Variants in PNOC observed in about 807,000 individuals in gnomAD.
PNOC encodes the protein nociceptin.
Under a neutral mutation model 15.6 loss-of-function variants are expected in PNOC, and 10 were observed. The ratio of observed to expected loss-of-function variants is 0.64; its 90% CI spans 0.40 to 1.09. The LOEUF is 1.09. Among genes scored for constraint, PNOC ranks in the 50% least tolerant of loss-of-function variants. PNOC has a pLI of 0.01. For missense variants in PNOC, 220 were observed against 223.9 expected, an observed-to-expected ratio of 0.98 and a Z score of 0.11; for synonymous variants, 98 against 88.5, an observed-to-expected ratio of 1.11 and a Z score of -0.60.
rs139026172 is a variant in PNOC at position 28,332,843 on chromosome 8, C to T, written c.126+3560C>T. Among the ~76,000 whole-genome samples the T allele has an allele frequency of 1.2e-3, 176 of 152,308 alleles. 2 individuals are homozygous for T. The East Asian group carries it at 0.029, about 25-fold the overall frequency. Reference sequence around the variant, plus strand: ...ATGCATGCCTGTAATCCCAGCTACTCAGGAGGCTGAGGCAGAAGAATCACT... The same window carrying T: ...ATGCATGCCTGTAATCCCAGCTACTTAGGAGGCTGAGGCAGAAGAATCACT... On this transcript the variant is annotated intron_variant, in intron 2 of 3. Transcript: ENST00000301908.
At chr8:28,317,891 C>G (rs147202409) in intron 1 of PNOC, among the ~76,000 whole-genome samples, 1,792 of 152,260 alleles carry the variant, frequency 0.012, 37 homozygotes, top group African/African-American at 0.041. Flanking sequence ...AATGGGGAAG[C>G]GCCAGATCTG....
intron 3 of PNOC, among the ~76,000 whole-genome samples, chr8:28,342,224 G>A (rs962426394): frequency 6.6e-6 from 1 of 151,930 alleles, no homozygotes; most frequent in Non-Finnish European, 1.5e-5. Flanking sequence ...GTTGTGGTGG[G>A]TGCCTGTAGT....
chr8:28,322,081 A>G (rs1801159772), intron 1 of PNOC, among the ~76,000 whole-genome samples: 1 of 152,136 alleles, frequency 6.6e-6, no homozygotes, highest in Non-Finnish European at 1.5e-5. Context: ...ACTGGAGAGA[A>G]GCCACCATAA....
intron 2 of PNOC, among the ~76,000 whole-genome samples, chr8:28,330,399 T>TTATTATTTTTTTTTTTTTTA (rs796269575): frequency 9.6e-6 from 1 of 104,102 alleles, no homozygotes; most frequent in Non-Finnish European, 2.1e-5. Flanking sequence ...TTATTTTATT[T>TTATTATTTTTTTTTTTTTTA]TTTTTTTTTT....
In PNOC at chr8:28,339,080, C is replaced by G. The variant is rs745474357; in HGVS notation, c.167C>G (p.Pro56Arg). The part of the protein sequence containing the change: ...LECEEKVFPS[P>R]LWTPCTKVMA... ...TGTGAAGAGAAGGTCTTCCCCAGCC[C>G]CCTCTGGACTCCATGCACCAAGGTC... is the stretch of plus-strand genomic sequence containing the variant. Residue 56 changes from proline to arginine, a missense_variant, in exon 3 of 4, where the codon CCC becomes CGC. Pro to Arg is a moderately radical substitution (Grantham distance 103, BLOSUM62 -2). Coordinates refer to ENST00000301908, the MANE Select transcript of PNOC (RefSeq NM_006228.5). 3 of 1,594,484 alleles carry G rather than the reference C, an allele frequency of 1.9e-6. No homozygotes were observed. In the African/African-American group the frequency reaches 4.0e-5, roughly 21 times the overall value.
At chr8:28,342,720 T>C (rs1801544185) in intron 3 of PNOC, among the ~76,000 whole-genome samples, 1 of 152,198 alleles carries the variant, frequency 6.6e-6, no homozygotes, top group African/African-American at 2.4e-5. Flanking sequence ...AGTCACAGCC[T>C]ACAGACCTCC....
At chr8:28,330,292 T>C (rs1190202839) in intron 2 of PNOC, among the ~76,000 whole-genome samples, 1 of 151,946 alleles carries the variant, frequency 6.6e-6, no homozygotes, top group Non-Finnish European at 1.5e-5. Flanking sequence ...AGATTTAGTA[T>C]CCTGAAACCA....
At chr8:28,318,740 G>A (rs1320326464) in intron 1 of PNOC, among the ~76,000 whole-genome samples, 3 of 152,314 alleles carry the variant, frequency 2.0e-5, no homozygotes, top group African/African-American at 7.2e-5. Flanking sequence ...AGCATGTGCC[G>A]CCTGGTGCTG....
In PNOC at chr8:28,339,203, G is replaced by A. The variant is rs748561628; in HGVS notation, c.290G>A (p.Arg97Gln). The part of the protein sequence containing the change: ...PRASEMQHLR[R>Q]MPRVRSLFQE... Reference sequence around the variant, plus strand: ...GCTTCGGAGATGCAGCATCTGCGGCGAATGCCCCGAGTCCGGAGCTTGTTC... The same window carrying A: ...GCTTCGGAGATGCAGCATCTGCGGCAAATGCCCCGAGTCCGGAGCTTGTTC... The change falls in exon 3 of 4, where the codon CGA becomes CAA. Residue 97 changes from arginine to glutamine, a missense_variant. By Grantham distance (43) the Arg-to-Gln change is conservative. Coordinates refer to ENST00000301908, the MANE Select transcript of PNOC (RefSeq NM_006228.5). 6.2e-5 allele frequency: 100 copies of A among 1,613,120 alleles called. No individual in the cohort carries two copies. The highest frequency in any genetic ancestry group is 3.3e-4 in the Middle Eastern group (2 of 6,080).
At chr8:28,319,540 T>A (rs1585822984) in intron 1 of PNOC, among the ~76,000 whole-genome samples, 1 of 152,174 alleles carries the variant, frequency 6.6e-6, no homozygotes, top group East Asian at 1.9e-4. Context: ...GGAATTAACA[T>A]TTCTTGAAAC....
At chr8:28,326,960 A>G (rs972950520) in intron 1 of PNOC, among the ~76,000 whole-genome samples, 6 of 152,222 alleles carry the variant, frequency 3.9e-5, no homozygotes, top group African/African-American at 1.4e-4. Flanking sequence ...GCTGGTCTGC[A>G]GGGTGCATTG....
At chr8:28,333,563 C>T (rs1395545232) in intron 2 of PNOC, among the ~76,000 whole-genome samples, 1 of 152,194 alleles carries the variant, frequency 6.6e-6, no homozygotes, top group Non-Finnish European at 1.5e-5. Context: ...AAACCCTCTC[C>T]TAAGTCAAGA....
At chr8:28,341,068 A>T (rs1353817742) in intron 3 of PNOC, among the ~76,000 whole-genome samples, 1 of 152,254 alleles carries the variant, frequency 6.6e-6, no homozygotes, top group African/African-American at 2.4e-5. Flanking sequence ...CGAGCATAAG[A>T]GAAAAATGTC....
intron 3 of PNOC, among the ~76,000 whole-genome samples, chr8:28,341,690 C>T (rs1054282772): frequency 6.6e-6 from 1 of 152,210 alleles, no homozygotes; most frequent in Non-Finnish European, 1.5e-5. Context: ...TAAGGAGCTT[C>T]TGTCTGTGGC....
chr8:28,329,445 G>A (rs938391176), intron 2 of PNOC, among the ~76,000 whole-genome samples, 162 bp downstream of exon 2: 1 of 152,190 alleles, frequency 6.6e-6, no homozygotes, highest in Admixed American at 6.5e-5. Flanking sequence ...GACAGGAGCT[G>A]CTCTTCTGAC....
intron 1 of PNOC, among the ~76,000 whole-genome samples, chr8:28,318,611 C>T (rs1801098151): frequency 6.6e-6 from 1 of 152,214 alleles, no homozygotes; most frequent in South Asian, 2.1e-4. Context: ...ATTCTACAAG[C>T]TTACACTGAG....
At chr8:28,323,249 T>C (rs1801175654) in intron 1 of PNOC, among the ~76,000 whole-genome samples, 2 of 152,188 alleles carry the variant, frequency 1.3e-5, no homozygotes, top group Admixed American at 1.3e-4. Flanking sequence ...ATTTATGAGG[T>C]GTCATTACCA....
At chr8:28,326,111 G>C (rs1432882967) in intron 1 of PNOC, among the ~76,000 whole-genome samples, 1 of 152,138 alleles carries the variant, frequency 6.6e-6, no homozygotes, top group Non-Finnish European at 1.5e-5. Flanking sequence ...CAACACTTTG[G>C]GAGGCTAAGG....
At position 28,331,857 on chromosome 8, in the gene PNOC, T is replaced by A. The variant is rs143960620; in HGVS notation, c.126+2574T>A. On this transcript the variant is annotated intron_variant, in intron 2 of 3. Coordinates refer to ENST00000301908, the MANE Select transcript of PNOC (RefSeq NM_006228.5). ...CTTTCTTTACTGATGGATCTGGGTATCCCAGCACTCAGCACAGTGTGTGGC... is the reference window on the plus strand; with the variant it reads ...CTTTCTTTACTGATGGATCTGGGTAACCCAGCACTCAGCACAGTGTGTGGC... Among the ~76,000 whole-genome samples the A allele has an allele frequency of 4.0e-4, 61 of 152,320 alleles. 1 individual carries two copies. The highest frequency in any genetic ancestry group is 1.4e-3 in the African/African-American group (59 of 41,562).
Sources: gnomAD v4.1 joint callset for allele counts (sites outside exome capture counted in the v4.1 genomes callset) on GRCh38, gnomAD v4.1.1 for gene constraint, MANE v1.5 for transcripts, NCBI Gene and HGNC (gene_info 2026-07-23, HGNC 2026-07-21) for gene names.